The following HAO1 variants were observed in gnomAD, a reference collection of about 807,000 sequenced individuals.
HAO1 encodes hydroxyacid oxidase 1.
In HAO1, 34 loss-of-function variants were observed where a neutral mutation model predicts 39.7. The ratio of observed to expected loss-of-function variants is 0.86; its 90% CI spans 0.65 to 1.14. The LOEUF (loss-of-function observed/expected upper bound fraction) is 1.14, where lower values mean the gene tolerates loss of function less well. HAO1 is among the 50% of genes most tolerant of loss of function. The pLI, the probability that HAO1 is intolerant of heterozygous loss-of-function variation, is 0.00. For synonymous variants in HAO1, 172 were observed against 173.2 expected (o/e 0.99, Z 0.05); for missense variants, 479 against 464.5 (o/e 1.03, Z -0.29).
chr20:7,939,718 G>C (rs1272255335), intron 1 of HAO1, among the ~76,000 whole-genome samples: 1 of 152,082 alleles, frequency 6.6e-6, no homozygotes, highest in Non-Finnish European at 1.5e-5. Flanking sequence ...GAAAGTCAAA[G>C]GAAAACTAAT....
intron 2 of HAO1, among the ~76,000 whole-genome samples, chr20:7,929,016 A>G (rs965642016): frequency 6.6e-5 from 10 of 152,036 alleles, no homozygotes; most frequent in African/African-American, 2.4e-4. Flanking sequence ...GGAACATGCA[A>G]TCTCAGACTC....
At chr20:7,890,148 A>G (rs1396234070) in intron 5 of HAO1, among the ~76,000 whole-genome samples, 1 of 151,982 alleles carries the variant, frequency 6.6e-6, no homozygotes, top group Non-Finnish European at 1.5e-5. Flanking sequence ...GTGAGGCAAA[A>G]CTCAAGCAAG....
chr20:7,905,707 T>C (rs564446451), intron 4 of HAO1, among the ~76,000 whole-genome samples: 2 of 152,200 alleles, frequency 1.3e-5, no homozygotes, highest in Non-Finnish European at 2.9e-5. Flanking sequence ...ACTCAAAAAC[T>C]AGTCCTAGCC....
chr20:7,908,198 T>C (rs572228688), intron 3 of HAO1, among the ~76,000 whole-genome samples: 1 of 152,164 alleles, frequency 6.6e-6, no homozygotes, highest in African/African-American at 2.4e-5. Context: ...AAGACCAGTC[T>C]GGCCAGCATG....
chr20:7,934,690 C>T (rs1387555477), intron 1 of HAO1, 55 bp from the exon 2 acceptor site: 1 of 1,102,188 alleles, frequency 9.1e-7, no homozygotes, highest in South Asian at 2.0e-5. Flanking sequence ...GAATCATAAC[C>T]AAAACTTTGA....
intron 2 of HAO1, among the ~76,000 whole-genome samples, chr20:7,921,001 C>A (rs1053398240): frequency 6.6e-6 from 1 of 151,024 alleles, no homozygotes; most frequent in Non-Finnish European, 1.5e-5. Context: ...AATCAAGAGA[C>A]AACACAGGTA....
At chr20:7,931,867 C>T (rs2050387365) in intron 2 of HAO1, among the ~76,000 whole-genome samples, 1 of 152,140 alleles carries the variant, frequency 6.6e-6, no homozygotes, top group African/African-American at 2.4e-5. Flanking sequence ...CTATGAAAAA[C>T]TGTTTTCTCT....
intron 5 of HAO1, among the ~76,000 whole-genome samples, chr20:7,889,246 A>T (rs139730460): frequency 6.6e-6 from 1 of 152,270 alleles, no homozygotes; most frequent in East Asian, 1.9e-4. Flanking sequence ...CAAGAACTTA[A>T]CAACCCAAAT....
intron 3 of HAO1, among the ~76,000 whole-genome samples, chr20:7,910,120 G>A (rs560134238): frequency 3.5e-4 from 54 of 152,276 alleles, no homozygotes; most frequent in African/African-American, 1.3e-3. Flanking sequence ...ACATGCCAGT[G>A]TTTTCAATGT....
chr20:7,899,753 A>T (rs1177369701), intron 4 of HAO1, among the ~76,000 whole-genome samples: 1 of 152,170 alleles, frequency 6.6e-6, no homozygotes, highest in Non-Finnish European at 1.5e-5. Context: ...CAGAGAGAAA[A>T]GCAATTTTGC....
At chr20:7,914,008 T>G (rs1304811721) in intron 3 of HAO1, among the ~76,000 whole-genome samples, 156 bp downstream of exon 3, 1 of 152,162 alleles carries the variant, frequency 6.6e-6, no homozygotes, top group East Asian at 1.9e-4. Context: ...CTGTTTCTAT[T>G]GTGTATCTCA....
intron 1 of HAO1, among the ~76,000 whole-genome samples, chr20:7,936,340 G>A (rs1386233958): frequency 4.6e-5 from 7 of 152,140 alleles, no homozygotes; most frequent in Non-Finnish European, 1.5e-5. Flanking sequence ...CTTGAAGAGA[G>A]TTTTTATTAC....
chr20:7,934,629 C>T lies in HAO1; in HGVS notation c.144G>A (p.Lys48=). The T allele has an allele frequency of 6.3e-7, 1 of 1,590,702 alleles. No individual in the cohort carries two copies. The highest frequency in any genetic ancestry group is 1.8e-5 in the Admixed American group (1 of 56,152). The change falls in exon 2 of 8, where the codon AAG becomes AAA. Residue 48 remains lysine, a synonymous_variant. Coordinates refer to ENST00000378789, the MANE Select transcript of HAO1 (RefSeq NM_017545.3). ...CATTCCGGAGCATCCTTGGATACAG[C>T]TTCCATCTAGAATTAAAAAATAAAA... The part of the protein sequence containing the change: ...ADNIAAFSRW[K]LYPRMLRNVA...
intron 4 of HAO1, among the ~76,000 whole-genome samples, chr20:7,903,520 T>C (rs1186236170): frequency 6.6e-6 from 1 of 151,598 alleles, no homozygotes; most frequent in Non-Finnish European, 1.5e-5. Flanking sequence ...GTAGTGGTGA[T>C]ACTGGTGGTG....
chr20:7,905,954 G>A (rs1168114933), intron 4 of HAO1, among the ~76,000 whole-genome samples, 200 bp downstream of exon 4: 3 of 152,132 alleles, frequency 2.0e-5, no homozygotes, highest in African/African-American at 7.2e-5. Context: ...TGCTTCATGA[G>A]AGTTTAGCTC....
At chr20:7,891,685 C>T (rs1264330478) in intron 5 of HAO1, among the ~76,000 whole-genome samples, 3 of 152,066 alleles carry the variant, frequency 2.0e-5, no homozygotes, top group Non-Finnish European at 2.9e-5. Flanking sequence ...GTCTTAGGTT[C>T]GGTTATTGTT....
intron 7 of HAO1, 96 bp from the exon 8 acceptor site, chr20:7,883,759 A>G: frequency 9.4e-7 from 1 of 1,059,774 alleles, no homozygotes; most frequent in East Asian, 2.4e-5. Flanking sequence ...GACAAATGTA[A>G]GGTTTATGAT....
chr20:7,912,585 A>G (rs2050285214), intron 3 of HAO1, among the ~76,000 whole-genome samples: 2 of 151,754 alleles, frequency 1.3e-5, no homozygotes, highest in Admixed American at 1.3e-4. Flanking sequence ...GTCTTTAAAA[A>G]AAAAAAAAAG....
intron 2 of HAO1, among the ~76,000 whole-genome samples, chr20:7,927,837 A>G (rs2122792644): frequency 6.6e-6 from 1 of 152,348 alleles, no homozygotes. Context: ...CCAGTAACAG[A>G]GCAGGATATT....
Sources: allele counts gnomAD v4.1 joint callset (sites outside exome capture counted in the v4.1 genomes callset), GRCh38; gene constraint gnomAD v4.1.1; transcripts MANE v1.5; gene names NCBI Gene and HGNC (gene_info 2026-07-23, HGNC 2026-07-21).